The following RTTN variants were observed in gnomAD, a reference collection of about 807,000 sequenced individuals.
The protein encoded by RTTN is rotatin.
RTTN carries 182 observed loss-of-function variants against 269.2 expected under a neutral mutation model. The ratio of observed to expected loss-of-function variants is 0.68; its 90% confidence interval spans 0.60 to 0.76. The LOEUF is 0.76. Ranked by LOEUF, RTTN falls within the 30% of genes least tolerant of loss-of-function variation. The pLI, the probability that RTTN is intolerant of heterozygous loss-of-function variation, is 0.00. For synonymous variants in RTTN, 1,006 were observed against 963.5 expected (o/e 1.04, Z -0.82); for missense variants, 2,545 against 2,608.6 (o/e 0.98, Z 0.53).
chr18:70,142,349 T>C lies in RTTN; in HGVS notation c.2520A>G (p.Ser840=). ...TVEKVYEIFT[S]DDVDLVLRKS... Reference sequence around the variant, plus strand: ...TTCTCAAAACGAGATCAACATCATCTGAGGTGAAGATTTCATATACCTTTT... The same window carrying C: ...TTCTCAAAACGAGATCAACATCATCCGAGGTGAAGATTTCATATACCTTTT... The change falls in exon 19 of 49, where the codon TCA becomes TCG. Residue 840 remains serine (S), a synonymous_variant. Coordinates refer to ENST00000640769, the MANE Select transcript of RTTN (RefSeq NM_173630.4). The C allele has an allele frequency of 6.2e-7, 1 of 1,607,436 alleles. No homozygotes were observed. The highest frequency in any genetic ancestry group is 8.5e-7 in the Non-Finnish European group (1 of 1,177,998).
At chr18:70,120,937 G>A (rs1449565162) in intron 26 of RTTN, among the ~76,000 whole-genome samples, 6 of 152,072 alleles carry the variant, frequency 3.9e-5, no homozygotes, top group Non-Finnish European at 5.9e-5. Context: ...TGTAATCCCA[G>A]CTACTCAGGA....
Position 70,121,707 on chromosome 18 carries a change from T to A in RTTN, c.3384-7A>T. 6.5e-7 allele frequency: 1 copy of A among 1,533,454 alleles called. No individual in the cohort carries two copies. The highest frequency in any genetic ancestry group is 8.7e-7 in the Non-Finnish European group (1 of 1,146,064). 95.0% of individuals were successfully genotyped at this position (1,533,454 alleles called of 1,614,324 possible). On this transcript the variant is annotated splice_region_variant and splice_polypyrimidine_tract_variant and intron_variant, in intron 25 of 48. Transcript: ENST00000640769. ...AGGAAGCACCTGTAAAAACCTATAA[T>A]GAAAAGACAATAATCATGGTTTCTG...
chr18:70,019,798 C>A (rs1046700515), intron 45 of RTTN: 1 of 152,152 alleles, frequency 6.6e-6, no homozygotes, highest in Non-Finnish European at 1.5e-5. Context: ...CTTAGAAAGA[C>A]CGAACTTTCT....
At chr18:70,148,022 T>C (rs1352352621) in intron 17 of RTTN, among the ~76,000 whole-genome samples, 3 of 152,182 alleles carry the variant, frequency 2.0e-5, no homozygotes, top group Non-Finnish European at 4.4e-5. Context: ...AGAGATATTT[T>C]AAAGACTATA....
intron 12 of RTTN, 125 bp downstream of exon 12, chr18:70,168,730 C>CA (rs1310951517): frequency 6.1e-6 from 4 of 660,908 alleles, no homozygotes. Context: ...TATAATTGAC[C>CA]CACTCAGGAA....
At chr18:70,108,957 C>T (rs1415843571) in intron 28 of RTTN, among the ~76,000 whole-genome samples, 1 of 151,634 alleles carries the variant, frequency 6.6e-6, no homozygotes, top group African/African-American at 2.4e-5. Context: ...ACATGGTCAA[C>T]ATATAAAAAT....
rs1022260122 is a variant in RTTN, at chr18:70,003,123, C to T, written c.*1028G>A. On this transcript the variant is annotated 3_prime_UTR_variant, in exon 49 of 49. Transcript: ENST00000640769. The stretch of plus-strand genomic sequence containing the variant: ...ATGATCTCAGCTCACTGCAACCTCC[C>T]TGCCTCCCAGGTTGAAGAGATTCTC... 1 of 150,690 alleles carries T rather than the reference C, an allele frequency of 6.6e-6. No homozygotes were observed. The highest frequency in any genetic ancestry group is 1.5e-5 in the Non-Finnish European group (1 of 67,788). 9.3% of individuals were successfully genotyped at this position (150,690 alleles called of 1,614,324 possible).
intron 7 of RTTN, 85 bp downstream of exon 7, chr18:70,196,416 A>G: frequency 8.2e-7 from 1 of 1,217,558 alleles, no homozygotes; most frequent in South Asian, 1.5e-5. Context: ...CGTACACAAT[A>G]AACCCTAACA....
At chr18:70,085,527 T>C (rs994206626) in intron 32 of RTTN, among the ~76,000 whole-genome samples, 1 of 152,150 alleles carries the variant, frequency 6.6e-6, no homozygotes, top group Non-Finnish European at 1.5e-5. Flanking sequence ...CTTAGATTTA[T>C]ACAGGATTTT....
chr18:70,075,321 A>G, intron 33 of RTTN, 31 bp downstream of exon 33: 4 of 1,440,920 alleles, frequency 2.8e-6, no homozygotes, highest in Non-Finnish European at 3.7e-6. Flanking sequence ...TACATATTAC[A>G]AAAATAAAAA....
At chr18:70,025,128 G>C (rs1016413027) in intron 43 of RTTN, among the ~76,000 whole-genome samples, 3 of 152,168 alleles carry the variant, frequency 2.0e-5, no homozygotes, top group Admixed American at 2.0e-4. Context: ...AAACAGCAAA[G>C]TGATATCTCA....
At chr18:70,074,158 A>G (rs1254956752) in intron 33 of RTTN, among the ~76,000 whole-genome samples, 164 bp from the exon 34 acceptor site, 3 of 151,980 alleles carry the variant, frequency 2.0e-5, no homozygotes, top group Non-Finnish European at 4.4e-5. Flanking sequence ...AAAAAAATCT[A>G]AGGAGAGTTT....
rs202069774 is a variant in RTTN at position 70,075,476 on chromosome 18, A to T, written c.4440T>A (p.Leu1480=). The T allele has an allele frequency of 6.2e-7, 1 of 1,608,592 alleles. No individual in the cohort carries two copies. Among genetic ancestry groups the T allele is most frequent in the East Asian group, 2.2e-5 (1 of 44,634 alleles). ...SLIGKPALQA[L]LYHCHFYEHL... is the part of the protein sequence containing the mutation. ...GTTCATAAAAATGGCAGTGATATAA[A>T]AGAGCCTGAAGGGCAGGTTTTCCAA... Residue 1480 remains leucine, a synonymous_variant, in exon 33 of 49, where the codon CTT becomes CTA. Transcript: ENST00000640769.
rs1221041681 is a variant in RTTN at position 70,139,701 on chromosome 18, C to T, written c.2686G>A (p.Val896Ile). The change falls in exon 21 of 49, where the codon GTA becomes ATA. Residue 896 changes from valine (V) to isoleucine (I), a missense_variant. Transcript: ENST00000640769. Reference protein sequence around the residue: ...SQDGKVVECLVQPCLTLLRKV... With the variant: ...SQDGKVVECLIQPCLTLLRKV... ...CTCAAGAGTGTGAGGCATGGTTGTA[C>T]CAAACATTCTACAACCTGGGCCAGG... 5 of 1,609,052 alleles carry T rather than the reference C, an allele frequency of 3.1e-6. No homozygotes were observed. The South Asian group carries it at 4.4e-5, about 14-fold the overall frequency.
intron 43 of RTTN, among the ~76,000 whole-genome samples, chr18:70,025,563 G>A (rs1324731145): frequency 1.3e-5 from 2 of 152,160 alleles, no homozygotes; most frequent in Non-Finnish European, 2.9e-5. Context: ...TGGCAGAAGA[G>A]AAGTGATTCC....
chr18:70,148,099 A>G (rs929828225), intron 17 of RTTN, among the ~76,000 whole-genome samples: 51 of 152,108 alleles, frequency 3.4e-4, no homozygotes, highest in African/African-American at 1.2e-3. Context: ...TTTCAGTCCA[A>G]TGATCTGTCT....
intron 10 of RTTN, among the ~76,000 whole-genome samples, chr18:70,187,227 T>G (rs994649485): frequency 2.0e-5 from 3 of 152,196 alleles, no homozygotes; most frequent in Non-Finnish European, 2.9e-5. Flanking sequence ...AGATAGGGAA[T>G]AATCCTCATA....
intron 37 of RTTN, among the ~76,000 whole-genome samples, chr18:70,054,759 T>C (rs1460484967): frequency 2.0e-5 from 3 of 151,920 alleles, no homozygotes; most frequent in Non-Finnish European, 4.4e-5. Flanking sequence ...GTAGAGGCTA[T>C]AGTGAGCTGT....
At chr18:70,204,380 T>C in intron 2 of RTTN, 117 bp from the exon 3 acceptor site, 1 of 973,236 alleles carries the variant, frequency 1.0e-6, no homozygotes, top group East Asian at 2.6e-5. Flanking sequence ...GAAAAACAAA[T>C]CCTTCATGGC....
Sources: allele counts gnomAD v4.1 joint callset (sites outside exome capture counted in the v4.1 genomes callset), GRCh38; gene constraint gnomAD v4.1.1; transcripts MANE v1.5; gene names NCBI Gene and HGNC (gene_info 2026-07-23, HGNC 2026-07-21).